The following USP25 variants were observed in gnomAD, a reference collection of about 807,000 sequenced individuals.
USP25 encodes ubiquitin carboxyl-terminal hydrolase 25.
Under a neutral mutation model 158.5 loss-of-function variants are expected in USP25, and 85 were observed. That is an observed-to-expected ratio of 0.54 (90% CI 0.45 to 0.64). USP25 has a LOEUF of 0.64. Among genes scored for constraint, USP25 ranks in the 30% least tolerant of loss-of-function variants. The pLI is 0.00. For synonymous variants in USP25, 464 were observed against 460.4 expected (o/e 1.01, Z -0.10); for missense variants, 1,242 against 1,327.3 (o/e 0.94, Z 1.00).
At chr21:15,748,408 A>G (rs532946281) in intron 1 of USP25, among the ~76,000 whole-genome samples, 10 of 150,272 alleles carry the variant, frequency 6.7e-5, no homozygotes, top group African/African-American at 2.2e-4. Context: ...CAGCCTCCCA[A>G]GTAGCTGGGA....
chr21:15,878,377 G>T lies in USP25; in HGVS notation c.3280G>T (p.Glu1094Ter), dbSNP rs148075750. ...DCSMEIKSFH[E>*]PPKLPSYSTH... ...TTCTATGGAGATTAAAAGTTTCCATGAGCCACCGAAGTTACCTTCATATTC... is the reference window on the plus strand; with the variant it reads ...TTCTATGGAGATTAAAAGTTTCCATTAGCCACCGAAGTTACCTTCATATTC... The change falls in exon 26 of 26, where the codon GAG (glutamate) becomes TAG (stop). Residue 1094 changes from glutamate to a stop codon, truncating the protein, a stop_gained. Coordinates refer to ENST00000400183, the MANE Select transcript of USP25 (RefSeq NM_001283041.3). LOFTEE classifies it high-confidence loss of function. 6.2e-7 allele frequency: 1 copy of T among 1,613,996 alleles called. No individual in the cohort carries two copies. Among genetic ancestry groups the T allele is most frequent in the Non-Finnish European group, 8.5e-7 (1 of 1,179,958 alleles).
Position 15,730,389 on chromosome 21 carries a change from G to A in USP25, c.-5G>A. 8.0e-7 allele frequency: 1 copy of A among 1,255,436 alleles called. No homozygotes were observed. Among genetic ancestry groups the A allele is most frequent in the Non-Finnish European group, 1.0e-6 (1 of 996,648 alleles). 77.8% of individuals were successfully genotyped at this position (1,255,436 alleles called of 1,614,324 possible). ...GCCGCCGCCGCCGCCGCCGCCGCGGGGGCCATGACCGTGGAGCAGAACGTG... is the reference window on the plus strand; with the variant it reads ...GCCGCCGCCGCCGCCGCCGCCGCGGAGGCCATGACCGTGGAGCAGAACGTG... On this transcript the variant is annotated 5_prime_UTR_variant, in exon 1 of 26. Transcript: ENST00000400183.
At chr21:15,838,470 T>A (rs193204390) in intron 17 of USP25, among the ~76,000 whole-genome samples, 1 of 152,002 alleles carries the variant, frequency 6.6e-6, no homozygotes, top group African/African-American at 2.4e-5. Flanking sequence ...CCGGATAAAT[T>A]TATGGTTTGA....
intron 10 of USP25, among the ~76,000 whole-genome samples, chr21:15,820,442 G>GT (rs951869085): frequency 6.1e-4 from 93 of 151,666 alleles, no homozygotes; most frequent in African/African-American, 2.0e-3. Context: ...TTCTGCCTAG[G>GT]TTTTTTCATC....
chr21:15,820,755 T>C (rs973777947), intron 10 of USP25, among the ~76,000 whole-genome samples: 1 of 152,006 alleles, frequency 6.6e-6, no homozygotes, highest in Non-Finnish European at 1.5e-5. Context: ...GCATAATCCC[T>C]GATAACAATA....
At chr21:15,855,681 CA>C (rs1274168660) in intron 20 of USP25, among the ~76,000 whole-genome samples, 1 of 152,194 alleles carries the variant, frequency 6.6e-6, no homozygotes, top group African/African-American at 2.4e-5. Flanking sequence ...GTCAGTTACA[CA>C]TCCTGCCTTT....
chr21:15,822,588 T>TGAAATCTACTTTC (rs2037287601), intron 10 of USP25, among the ~76,000 whole-genome samples: 1 of 152,020 alleles, frequency 6.6e-6, no homozygotes, highest in Non-Finnish European at 1.5e-5. Context: ...TGATAGTTCT[T>TGAAATCTACTTTC]GAAATCTACT....
At chr21:15,812,282 ACT>A (rs2036704593) in intron 9 of USP25, among the ~76,000 whole-genome samples, 1 of 152,074 alleles carries the variant, frequency 6.6e-6, no homozygotes, top group African/African-American at 2.4e-5. Context: ...ATGACTAGGC[ACT>A]GTTTATAATA....
chr21:15,740,659 T>G (rs1439735637), intron 1 of USP25, among the ~76,000 whole-genome samples: 2 of 132,144 alleles, frequency 1.5e-5, no homozygotes, highest in African/African-American at 3.6e-5. Flanking sequence ...TTTTTTTTTT[T>G]TTTTTTTTTT....
chr21:15,806,941 TGA>T (rs1427356461), intron 7 of USP25, among the ~76,000 whole-genome samples: 1 of 152,176 alleles, frequency 6.6e-6, no homozygotes, highest in African/African-American at 2.4e-5. Flanking sequence ...TGTTTTTTTT[TGA>T]GACACAGTTT....
rs888724057 is a variant in USP25 at position 15,816,345 on chromosome 21, ATG to A, written c.932-2349_932-2348del. On this transcript the variant is annotated intron_variant, in intron 9 of 25. Transcript: ENST00000400183. This position sits in a 1 kb window ranked among gnomAD's most constrained non-coding sequence, Gnocchi z 4.0. The stretch of plus-strand genomic sequence containing the variant: ...ATCCTCTTTTTCTTCCCAGTTTGGG[ATG>A]TGTCTTTATCAGCAGCGTGATAATG... Among the ~76,000 whole-genome samples the A allele has an allele frequency of 2.0e-5, 3 of 152,082 alleles. No individual in the cohort carries two copies. The highest frequency in any genetic ancestry group is 4.4e-5 in the Non-Finnish European group (3 of 68,018).
At chr21:15,783,346 A>G (rs1291850519) in intron 4 of USP25, among the ~76,000 whole-genome samples, 2 of 152,216 alleles carry the variant, frequency 1.3e-5, no homozygotes, top group African/African-American at 2.4e-5. Flanking sequence ...ATTTGGTTAA[A>G]TAGATTGCCT....
chr21:15,771,194 A>G (rs1054075472), intron 3 of USP25, among the ~76,000 whole-genome samples: 1 of 152,206 alleles, frequency 6.6e-6, no homozygotes, highest in East Asian at 1.9e-4. Flanking sequence ...ACAGTATCAG[A>G]TAGTAATAAG....
rs971500976 is a variant in USP25, at chr21:15,811,987, G to A, written c.931+777G>A. On this transcript the variant is annotated intron_variant, in intron 9 of 25. Coordinates refer to ENST00000400183, the MANE Select transcript of USP25 (RefSeq NM_001283041.3). ...GGATTCCCTGAAGTTCTGTTTGAACGTAGGTGGTTTGGGATTCAGAAAAAG... is the reference window on the plus strand; with the variant it reads ...GGATTCCCTGAAGTTCTGTTTGAACATAGGTGGTTTGGGATTCAGAAAAAG... Among the ~76,000 whole-genome samples the A allele has an allele frequency of 2.4e-4, 37 of 152,136 alleles. 1 individual carries two copies. Among genetic ancestry groups the A allele is most frequent in the Admixed American group, 9.8e-4 (15 of 15,290 alleles).
At position 15,811,168 on chromosome 21, in the gene USP25, G is replaced by C; in HGVS notation, c.889G>C (p.Glu297Gln). Residue 297 changes from glutamate (E) to glutamine (Q), a missense_variant, in exon 9 of 26, where the codon GAG (glutamate) becomes CAG (glutamine). By Grantham distance (29) the Glu-to-Gln change is conservative (BLOSUM62 2). Coordinates refer to ENST00000400183, the MANE Select transcript of USP25 (RefSeq NM_001283041.3). The part of the protein sequence containing the change: ...DEEKPKNPMV[E>Q]LFYGRFLAVG... ...AGAGAAGCCAAAGAACCCCATGGTA[G>C]AGTTGTTCTATGGCAGATTCCTGGC... The C allele has an allele frequency of 1.9e-6, 3 of 1,612,940 alleles. No individual in the cohort carries two copies. In the South Asian group the frequency reaches 3.3e-5, roughly 18 times the overall value.
At chr21:15,784,582 A>G (rs982207116) in intron 4 of USP25, among the ~76,000 whole-genome samples, 2 of 152,168 alleles carry the variant, frequency 1.3e-5, no homozygotes, top group Admixed American at 6.5e-5. Context: ...CAAAAAAAAA[A>G]AGATAAAGAT....
Position 15,851,236 on chromosome 21 carries a change from A to G in USP25, c.2547+1364A>G, listed in dbSNP as rs147188422. ...TTGGGTCTTCTTATGTTGAATTGCA[A>G]ATCTCATTTTTATTAAGTTAATATC... On this transcript the variant is annotated intron_variant, in intron 20 of 25. Coordinates refer to ENST00000400183, the MANE Select transcript of USP25 (RefSeq NM_001283041.3). Among the ~76,000 whole-genome samples the G allele has an allele frequency of 2.5e-3, 386 of 152,154 alleles. 1 individual carries two copies. Among genetic ancestry groups the G allele is most frequent in the African/African-American group, 8.8e-3 (367 of 41,542 alleles).
intron 7 of USP25, among the ~76,000 whole-genome samples, chr21:15,806,328 C>T (rs1249264717): frequency 1.3e-5 from 2 of 151,518 alleles, no homozygotes; most frequent in Non-Finnish European, 2.9e-5. Context: ...GTATCTTTTC[C>T]AGTGATTCTG....
chr21:15,740,808 A>G (rs2031981225), intron 1 of USP25, among the ~76,000 whole-genome samples: 1 of 151,794 alleles, frequency 6.6e-6, no homozygotes, highest in Non-Finnish European at 1.5e-5. Flanking sequence ...TTAGACATGA[A>G]ATAGAATATC....
Sources: allele counts gnomAD v4.1 joint callset (sites outside exome capture counted in the v4.1 genomes callset), GRCh38; gene constraint gnomAD v4.1.1; non-coding constraint Gnocchi (gnomAD v3.1); transcripts MANE v1.5; gene names NCBI Gene and HGNC (gene_info 2026-07-23, HGNC 2026-07-21).